CARNMT1: variants seen among roughly 807,000 people sequenced by gnomAD.
CARNMT1 encodes the protein protein-L-histidine N-pros-methyltransferase CARNMT1.
A neutral mutation model predicts 49.6 loss-of-function variants in CARNMT1; 28 were observed. That is an observed-to-expected ratio of 0.56 (90% confidence interval 0.42 to 0.77). The LOEUF (loss-of-function observed/expected upper bound fraction) is 0.77. Among genes scored for constraint, CARNMT1 ranks in the 30% least tolerant of loss-of-function variants. The pLI, the probability that CARNMT1 is intolerant of heterozygous loss-of-function variation, is 0.00. For synonymous variants in CARNMT1, 178 were observed against 175.0 expected, an observed-to-expected ratio of 1.02 and a Z score of -0.13; for missense variants, 421 against 512.6, an observed-to-expected ratio of 0.82 and a Z score of 1.73.
chr9:75,001,326 C>G (rs945820213), intron 3 of CARNMT1, among the ~76,000 whole-genome samples: 1 of 152,088 alleles, frequency 6.6e-6, no homozygotes, highest in Non-Finnish European at 1.5e-5. Flanking sequence ...ATGTTAACAA[C>G]AATTATTTTG....
intron 1 of CARNMT1, among the ~76,000 whole-genome samples, chr9:75,025,342 G>A (rs920060700): frequency 3.3e-5 from 5 of 152,192 alleles, no homozygotes; most frequent in Admixed American, 6.5e-5. Flanking sequence ...GGTAACATCT[G>A]AGCTTACTGC....
At chr9:74,990,437 A>C (rs907851627) in intron 6 of CARNMT1, among the ~76,000 whole-genome samples, 20 of 152,178 alleles carry the variant, frequency 1.3e-4, no homozygotes, top group African/African-American at 4.6e-4. Context: ...ATTGGAACTA[A>C]AGTTATCAGT....
chr9:75,015,323 A>G (rs2118852391), intron 3 of CARNMT1, among the ~76,000 whole-genome samples: 1 of 152,226 alleles, frequency 6.6e-6, no homozygotes, highest in East Asian at 1.9e-4. Flanking sequence ...TATCCCATTC[A>G]GCATTTTCAT....
chr9:75,003,323 A>G (rs900098693), intron 3 of CARNMT1, among the ~76,000 whole-genome samples: 2 of 152,242 alleles, frequency 1.3e-5, no homozygotes, highest in African/African-American at 4.8e-5. Flanking sequence ...TATAGTTTAC[A>G]TACCAAGGTT....
In CARNMT1 at chr9:74,999,503, T is replaced by A. The variant is rs1229434678; in HGVS notation, c.731+227A>T. ...ATCATTTCATGGAATGCCCAGTCAC[T>A]TTCTATAAAGTCACTTACCCATCTT... is the stretch of plus-strand genomic sequence containing the variant. On this transcript the variant is annotated intron_variant, in intron 4 of 7. Coordinates refer to ENST00000376834, the MANE Select transcript of CARNMT1 (RefSeq NM_152420.3). Among the ~76,000 whole-genome samples the A allele has an allele frequency of 5.3e-5, 8 of 152,172 alleles. No individual in the cohort carries two copies. The East Asian group carries it at 1.5e-3, about 29-fold the overall frequency.
intron 3 of CARNMT1, among the ~76,000 whole-genome samples, chr9:75,014,015 T>A (rs1564103434): frequency 1.0e-4 from 10 of 97,922 alleles, no homozygotes; most frequent in East Asian, 2.8e-4. Flanking sequence ...CCACATCCAC[T>A]TACTTAAAAA....
chr9:75,005,460 C>CTTA (rs1771277880), intron 3 of CARNMT1, among the ~76,000 whole-genome samples: 2 of 149,904 alleles, frequency 1.3e-5, no homozygotes, highest in Admixed American at 6.7e-5. Context: ...ACACATATTT[C>CTTA]ATTAAGTATA....
intron 3 of CARNMT1, among the ~76,000 whole-genome samples, chr9:75,002,934 C>T (rs965761956): frequency 2.6e-5 from 4 of 151,808 alleles, no homozygotes; most frequent in Non-Finnish European, 5.9e-5. Context: ...GATGGGGTTT[C>T]GCCGTGTTGC....
chr9:74,999,831 T>G lies in CARNMT1; in HGVS notation c.630A>C (p.Gly210=). ...CTATTTCCCAGGCCAGTCTTCCTAGTCCAGCACCAGGTACCAGAATATTTA... is the reference window on the plus strand; with the variant it reads ...CTATTTCCCAGGCCAGTCTTCCTAGGCCAGCACCAGGTACCAGAATATTTA... ...SKVNILVPGA[G]LGRLAWEIAM... is the part of the protein sequence containing the mutation. The change falls in exon 4 of 8, where the codon GGA becomes GGC. Residue 210 remains glycine (G), a synonymous_variant. Coordinates refer to ENST00000376834, the MANE Select transcript of CARNMT1 (RefSeq NM_152420.3). The G allele has an allele frequency of 1.2e-6, 2 of 1,612,172 alleles. No individual in the cohort carries two copies. Among genetic ancestry groups the G allele is most frequent in the Non-Finnish European group, 8.5e-7 (1 of 1,179,030 alleles).
At chr9:75,004,242 T>TC (rs1179443013) in intron 3 of CARNMT1, among the ~76,000 whole-genome samples, 2 of 152,266 alleles carry the variant, frequency 1.3e-5, no homozygotes, top group African/African-American at 4.8e-5. Context: ...AATTTATTCT[T>TC]CCACCAGCAA....
chr9:75,015,158 GA>G (rs1174691231), intron 3 of CARNMT1, among the ~76,000 whole-genome samples: 2 of 152,102 alleles, frequency 1.3e-5, no homozygotes, highest in Non-Finnish European at 2.9e-5. Context: ...AAGGGAATGG[GA>G]AAAAATTACA....
Position 74,983,433 on chromosome 9 carries a change from A to G in CARNMT1, c.*334T>C, listed in dbSNP as rs1334439904. 1 of 180,426 alleles carries G rather than the reference A, an allele frequency of 5.5e-6. No individual in the cohort carries two copies. Among genetic ancestry groups the G allele is most frequent in the Non-Finnish European group, 1.2e-5 (1 of 86,836 alleles). 11.2% of individuals were successfully genotyped at this position (180,426 alleles called of 1,614,324 possible). A position where few individuals can be genotyped will look rare whatever the true frequency, so the allele number is the denominator to read the frequency against. ...ATGTACTTCAATACTATTAGTCATT[A>G]ATTCGGCAGACTTGCAATGGACAGC... On this transcript the variant is annotated 3_prime_UTR_variant, in exon 8 of 8. Coordinates refer to ENST00000376834, the MANE Select transcript of CARNMT1 (RefSeq NM_152420.3).
intron 3 of CARNMT1, among the ~76,000 whole-genome samples, chr9:75,010,909 A>G (rs965022588): frequency 7.9e-5 from 12 of 152,162 alleles, no homozygotes; most frequent in Non-Finnish European, 1.0e-4. Context: ...ACAGATGTAC[A>G]ATACTGTGAA....
At position 74,982,265 on chromosome 9, in the gene CARNMT1, T is replaced by A. The variant is rs1474562591; in HGVS notation, c.*1502A>T. On this transcript the variant is annotated 3_prime_UTR_variant, in exon 8 of 8. Coordinates refer to ENST00000376834, the MANE Select transcript of CARNMT1 (RefSeq NM_152420.3). ...CATGACATTTATGCGACCAGCACAT[T>A]ACTGAGATTAAATCCATCTAATTTA... 6.6e-6 allele frequency: 1 copy of A among 152,200 alleles called. No homozygotes were observed. The highest frequency in any genetic ancestry group is 1.5e-5 in the Non-Finnish European group (1 of 68,034). The allele number at this position is 152,200 out of a possible 1,614,324, so 9.4% of individuals were successfully genotyped here. A position where few individuals can be genotyped will look rare whatever the true frequency, so the allele number is the denominator to read the frequency against.
At chr9:74,984,193 T>C (rs1280294576) in intron 7 of CARNMT1, among the ~76,000 whole-genome samples, 1 of 152,166 alleles carries the variant, frequency 6.6e-6, no homozygotes, top group Non-Finnish European at 1.5e-5. Context: ...TGAAACACAA[T>C]AGCCAAAATA....
rs548660422 is a variant in CARNMT1 at position 75,003,958 on chromosome 9, C to A, written c.591-4088G>T. On this transcript the variant is annotated intron_variant, in intron 3 of 7. Coordinates refer to ENST00000376834, the MANE Select transcript of CARNMT1 (RefSeq NM_152420.3). Reference sequence around the variant, plus strand: ...TGGCACAATCTTGACTCACTGCAACCTCCGCCTCCAGGGTTAAAGCAATTC... The same window carrying A: ...TGGCACAATCTTGACTCACTGCAACATCCGCCTCCAGGGTTAAAGCAATTC... Among the ~76,000 whole-genome samples, 3 of 152,380 alleles carry A rather than the reference C, an allele frequency of 2.0e-5. No individual in the cohort carries two copies. In the South Asian group the frequency reaches 6.2e-4, roughly 32 times the overall value.
intron 1 of CARNMT1, among the ~76,000 whole-genome samples, chr9:75,024,698 C>G: frequency 6.6e-6 from 1 of 152,154 alleles, no homozygotes. Flanking sequence ...GCTTTATGAC[C>G]TTTTATCTAA....
At chr9:75,017,603 T>C (rs1212807520) in intron 1 of CARNMT1, among the ~76,000 whole-genome samples, 155 bp from the exon 2 acceptor site, 1 of 152,244 alleles carries the variant, frequency 6.6e-6, no homozygotes, top group Non-Finnish European at 1.5e-5. Context: ...CATTAACTTA[T>C]AAAGTTGTAA....
At chr9:75,020,267 CTTTTTTT>C (rs200444980) in intron 1 of CARNMT1, among the ~76,000 whole-genome samples, 5 of 124,296 alleles carry the variant, frequency 4.0e-5, no homozygotes, top group African/African-American at 1.2e-4. Flanking sequence ...CATTTTTCTT[CTTTTTTT>C]TTTTTTTTTT....
Sources: allele counts gnomAD v4.1 joint callset (sites outside exome capture counted in the v4.1 genomes callset), GRCh38; gene constraint gnomAD v4.1.1; transcripts MANE v1.5; gene names NCBI Gene and HGNC (gene_info 2026-07-23, HGNC 2026-07-21).